The following MCUB variants were observed in gnomAD, a reference collection of about 807,000 sequenced individuals.
The protein encoded by MCUB is mitochondrial calcium uniporter dominant negative subunit beta.
In MCUB, 46 loss-of-function variants were observed where a neutral mutation model predicts 41.4. That is an observed-to-expected ratio of 1.11 (90% CI 0.88 to 1.42). MCUB has a LOEUF of 1.42. MCUB is among the 40% of genes most tolerant of loss of function. The probability of loss-of-function intolerance (pLI) is 0.00; values close to 1 mark genes in which losing one functional copy is unlikely to be tolerated. For synonymous variants in MCUB, 148 were observed against 148.2 expected, an observed-to-expected ratio of 1.00 and a Z score of 0.01; for missense variants, 403 against 404.9, an observed-to-expected ratio of 1.00 and a Z score of 0.04.
intron 1 of MCUB, among the ~76,000 whole-genome samples, chr4:109,580,707 G>T (rs755474564): frequency 6.6e-6 from 1 of 152,076 alleles, no homozygotes; most frequent in African/African-American, 2.4e-5. Flanking sequence ...CATATCCTTC[G>T]CCCACTTTTT....
chr4:109,576,181 C>T (rs548959746), intron 1 of MCUB, among the ~76,000 whole-genome samples: 1 of 152,294 alleles, frequency 6.6e-6, no homozygotes, highest in South Asian at 2.1e-4. Context: ...GAGGACTTCC[C>T]AACCTCAATA....
At chr4:109,597,834 C>CA in intron 1 of MCUB, among the ~76,000 whole-genome samples, 1 of 151,556 alleles carries the variant, frequency 6.6e-6, no homozygotes, top group East Asian at 2.0e-4. Context: ...CCTCACTTCT[C>CA]AGACGGGGCG....
intron 1 of MCUB, among the ~76,000 whole-genome samples, chr4:109,571,603 G>C (rs1224046749): frequency 6.6e-6 from 1 of 152,170 alleles, no homozygotes; most frequent in South Asian, 2.1e-4. Flanking sequence ...ATGAGCCACC[G>C]TGCCAGGCTA....
chr4:109,600,645 G>A (rs955278580), intron 1 of MCUB, among the ~76,000 whole-genome samples: 8 of 152,208 alleles, frequency 5.3e-5, no homozygotes, highest in African/African-American at 1.9e-4. Context: ...GTCAGCTGGT[G>A]GTAGGAATAG....
chr4:109,620,558 G>A (rs1011231242), intron 1 of MCUB, among the ~76,000 whole-genome samples: 2 of 150,148 alleles, frequency 1.3e-5, no homozygotes, highest in East Asian at 1.9e-4. Context: ...GAGATCCTCC[G>A]AAGCAAGCTA....
At chr4:109,666,061 A>G (rs1207174482) in intron 4 of MCUB, among the ~76,000 whole-genome samples, 2 of 152,118 alleles carry the variant, frequency 1.3e-5, no homozygotes, top group African/African-American at 4.8e-5. Flanking sequence ...GAAGAAAGTG[A>G]AGAGGAAGGC....
At chr4:109,649,776 G>T (rs977731343) in intron 1 of MCUB, among the ~76,000 whole-genome samples, 1 of 151,724 alleles carries the variant, frequency 6.6e-6, no homozygotes, top group Non-Finnish European at 1.5e-5. Context: ...GTTTCACCCT[G>T]TTGCCCAGGC....
At chr4:109,572,818 G>T (rs1379276148) in intron 1 of MCUB, among the ~76,000 whole-genome samples, 27 of 151,882 alleles carry the variant, frequency 1.8e-4, no homozygotes. Context: ...TATAATTATT[G>T]CTTTATATAA....
intron 1 of MCUB, among the ~76,000 whole-genome samples, chr4:109,621,958 T>C (rs1471861151): frequency 6.6e-6 from 1 of 152,188 alleles, no homozygotes; most frequent in Non-Finnish European, 1.5e-5. Context: ...CTTGGTTCAC[T>C]GCAACCTCTG....
chr4:109,609,200 C>A (rs1447024097), intron 1 of MCUB, among the ~76,000 whole-genome samples: 1 of 152,086 alleles, frequency 6.6e-6, no homozygotes, highest in African/African-American at 2.4e-5. Flanking sequence ...CAGGGTGAGT[C>A]CACAGTGCAA....
intron 1 of MCUB, among the ~76,000 whole-genome samples, chr4:109,594,344 ATAGGCC>A (rs1271796299): frequency 1.3e-5 from 2 of 152,226 alleles, no homozygotes; most frequent in Admixed American, 1.3e-4. Context: ...GAATGTCATA[ATAGGCC>A]TAGTGGCCTG....
intron 5 of MCUB, chr4:109,682,973 C>A: frequency 5.0e-6 from 2 of 403,942 alleles, no homozygotes; most frequent in Non-Finnish European, 8.9e-6. Flanking sequence ...GCTCACGTGG[C>A]CTGTGTTCAG....
rs534672647 is a variant in MCUB at position 109,581,765 on chromosome 4, A to G, written c.99+21329A>G. Among the ~76,000 whole-genome samples the G allele has an allele frequency of 8.5e-5, 13 of 152,280 alleles. No individual in the cohort carries two copies. In the East Asian group the frequency reaches 1.5e-3, roughly 18 times the overall value. On this transcript the variant is annotated intron_variant, in intron 1 of 7. Coordinates refer to ENST00000394650, the MANE Select transcript of MCUB (RefSeq NM_017918.5). ...AAAGAAGACATTTATGCAGCCAAAA[A>G]ACACATGAAAAAATGCTTATCATCA...
intron 1 of MCUB, among the ~76,000 whole-genome samples, chr4:109,572,663 A>AT (rs1435749382): frequency 6.7e-6 from 1 of 148,996 alleles, no homozygotes; most frequent in Non-Finnish European, 1.5e-5. Context: ...GACTTCATAT[A>AT]ATGAAGTCAT....
At chr4:109,562,189 A>G (rs1173931968) in intron 1 of MCUB, among the ~76,000 whole-genome samples, 1 of 152,192 alleles carries the variant, frequency 6.6e-6, no homozygotes, top group Non-Finnish European at 1.5e-5. Flanking sequence ...GGGTGGTGCC[A>G]TTGCATACCT....
At chr4:109,601,168 A>C (rs1487952278) in intron 1 of MCUB, among the ~76,000 whole-genome samples, 1 of 152,238 alleles carries the variant, frequency 6.6e-6, no homozygotes, top group Non-Finnish European at 1.5e-5. Context: ...TTTATGGGGT[A>C]CATGAGATAT....
chr4:109,643,499 T>A (rs576423828), intron 1 of MCUB, among the ~76,000 whole-genome samples: 2 of 150,352 alleles, frequency 1.3e-5, no homozygotes, highest in Admixed American at 6.7e-5. Context: ...TTTACTTTTT[T>A]ATTTTTATTT....
At chr4:109,681,394 T>C in intron 4 of MCUB, 1 of 443,256 alleles carries the variant, frequency 2.3e-6, no homozygotes, top group Non-Finnish European at 4.5e-6. Context: ...GAAAAGGGTC[T>C]AAAGTTGTCT....
chr4:109,598,126 GA>G (rs1727626965), intron 1 of MCUB, among the ~76,000 whole-genome samples: 1 of 147,800 alleles, frequency 6.8e-6, no homozygotes, highest in African/African-American at 2.5e-5. Context: ...CAGCCAGGCA[GA>G]GGGGCTCCTC....
Sources: gnomAD v4.1 joint callset for allele counts (sites outside exome capture counted in the v4.1 genomes callset) on GRCh38, gnomAD v4.1.1 for gene constraint, MANE v1.5 for transcripts, NCBI Gene and HGNC (gene_info 2026-07-23, HGNC 2026-07-21) for gene names.